CDK14: variants seen among roughly 807,000 people sequenced by gnomAD.
CDK14 encodes cyclin-dependent kinase 14.
CDK14 carries 34 observed loss-of-function variants against 60.7 expected under a neutral mutation model. The observed-to-expected ratio is 0.56, with a 90% CI of 0.43 to 0.75. CDK14 has a LOEUF of 0.75. CDK14 is among the 30% of genes least tolerant of loss of function. The pLI is 0.00. For synonymous variants in CDK14, 197 were observed against 203.7 expected (o/e 0.97, Z 0.28); for missense variants, 482 against 564.1 (o/e 0.85, Z 1.47).
At chr7:91,144,517 A>ACT (rs10634217) in intron 14 of CDK14, among the ~76,000 whole-genome samples, 134,194 of 152,054 alleles carry the variant, frequency 0.88, 59,257 homozygotes, top group East Asian at 0.96. Context: ...GCAGCTTTAG[A>ACT]CTGACCATTT....
chr7:90,671,208 C>G (rs545703962), intron 2 of CDK14, among the ~76,000 whole-genome samples: 1 of 152,164 alleles, frequency 6.6e-6, no homozygotes, highest in African/African-American at 2.4e-5. Flanking sequence ...ATACCTATTT[C>G]CAGCGTTCAG....
intron 11 of CDK14, among the ~76,000 whole-genome samples, chr7:91,047,513 A>G (rs975200491): frequency 3.3e-5 from 5 of 152,354 alleles, no homozygotes; most frequent in Admixed American, 2.0e-4. Flanking sequence ...GTGGTGTTCA[A>G]TAAATGTGTG....
chr7:90,717,043 T>C (rs1802273113), intron 2 of CDK14, among the ~76,000 whole-genome samples: 1 of 152,104 alleles, frequency 6.6e-6, no homozygotes, highest in Non-Finnish European at 1.5e-5. Flanking sequence ...CAATGCTAAC[T>C]ACATTCTGAA....
At chr7:90,976,362 T>C (rs940292642) in intron 9 of CDK14, among the ~76,000 whole-genome samples, 1 of 152,046 alleles carries the variant, frequency 6.6e-6, no homozygotes, top group Non-Finnish European at 1.5e-5. Context: ...CCCCGCTTTT[T>C]TTTCTTTTAA....
At chr7:90,792,332 C>T (rs1005916497) in intron 5 of CDK14, among the ~76,000 whole-genome samples, 1 of 152,062 alleles carries the variant, frequency 6.6e-6, no homozygotes, top group Non-Finnish European at 1.5e-5. Context: ...ATCTCCATTT[C>T]ATATATCCAC....
rs575826961 is a variant in CDK14, at chr7:90,705,362, GA to G, written c.124-21198del. On this transcript the variant is annotated intron_variant, in intron 2 of 14. Transcript: ENST00000380050. The stretch of plus-strand genomic sequence containing the variant: ...AAAAGGAAAAAAAAAGATAAAGATA[GA>G]AAAAAAGTAATTCTCTATCCCTTTC... 6.6e-5 allele frequency among the ~76,000 whole-genome samples: 10 copies of G among 151,948 alleles called. No homozygotes were observed. In the South Asian group the frequency reaches 2.1e-3, roughly 32 times the overall value.
chr7:90,896,221 A>G (rs1334971187), intron 6 of CDK14, among the ~76,000 whole-genome samples: 1 of 152,098 alleles, frequency 6.6e-6, no homozygotes, highest in African/African-American at 2.4e-5. Context: ...GAAATGTAGT[A>G]TATTTATTAT....
At chr7:90,964,603 CTGTT>C (rs1794701433) in intron 9 of CDK14, among the ~76,000 whole-genome samples, 1 of 152,146 alleles carries the variant, frequency 6.6e-6, no homozygotes, top group Admixed American at 6.5e-5. Flanking sequence ...CTACTTTTAA[CTGTT>C]TGTTTTTAAT....
rs569552774 is a variant in CDK14 at position 91,028,774 on chromosome 7, ATTTGTT to A, written c.1042-17101_1042-17096del. ...TTGTTTGTCCACTTTTAATGGGATT[ATTTGTT>A]TTTGTTTTTGTTTTTGTTTTTTGCT... is the stretch of plus-strand genomic sequence containing the variant. On this transcript the variant is annotated intron_variant, in intron 10 of 14. Transcript: ENST00000380050. 3.6e-3 allele frequency among the ~76,000 whole-genome samples: 545 copies of A among 151,716 alleles called. 2 individuals carry two copies. Among genetic ancestry groups the A allele is most frequent in the African/African-American group, 0.012 (501 of 41,378 alleles).
chr7:90,751,167 T>G (rs1803829059), intron 4 of CDK14, among the ~76,000 whole-genome samples: 1 of 151,478 alleles, frequency 6.6e-6, no homozygotes, highest in Admixed American at 6.6e-5. Context: ...ATATCCAGAT[T>G]CAAAAAATCT....
chr7:90,636,787 T>C (rs1800161602), intron 2 of CDK14, among the ~76,000 whole-genome samples: 1 of 152,230 alleles, frequency 6.6e-6, no homozygotes, highest in South Asian at 2.1e-4. Flanking sequence ...GTTGGTAAGC[T>C]ATTGATTATT....
chr7:91,087,357 CAGAAG>C (rs1333548707), intron 12 of CDK14, among the ~76,000 whole-genome samples: 1 of 151,948 alleles, frequency 6.6e-6, no homozygotes, highest in African/African-American at 2.4e-5. Flanking sequence ...AAGAAAAAAA[CAGAAG>C]AGAGGAAGGA....
chr7:90,782,608 C>T (rs1805388204), intron 4 of CDK14, among the ~76,000 whole-genome samples: 1 of 152,058 alleles, frequency 6.6e-6, no homozygotes, highest in Non-Finnish European at 1.5e-5. Context: ...CTATTGGCTC[C>T]TTAAATGGGG....
chr7:90,614,143 A>T (rs549241079), intron 2 of CDK14, among the ~76,000 whole-genome samples: 15 of 151,290 alleles, frequency 9.9e-5, no homozygotes, highest in Non-Finnish European at 1.6e-4. Flanking sequence ...AGTAGGTGGG[A>T]TTACAGGCAT....
chr7:91,138,218 T>C (rs553845773), intron 14 of CDK14, among the ~76,000 whole-genome samples: 2 of 152,374 alleles, frequency 1.3e-5, no homozygotes, highest in South Asian at 4.1e-4. Flanking sequence ...GCTGCAATTC[T>C]GTATGAAGGC....
intron 10 of CDK14, among the ~76,000 whole-genome samples, chr7:91,043,409 A>C (rs1797143978): frequency 6.6e-6 from 1 of 152,208 alleles, no homozygotes; most frequent in Admixed American, 6.5e-5. Context: ...CTTTGTTGCT[A>C]AAGTTTAGTA....
chr7:90,872,930 C>G (rs1791421635), intron 6 of CDK14, among the ~76,000 whole-genome samples: 1 of 152,028 alleles, frequency 6.6e-6, no homozygotes, highest in Non-Finnish European at 1.5e-5. Context: ...CTCAGTTTAT[C>G]TTAGAATTTC....
At chr7:90,771,544 T>G (rs899888741) in intron 4 of CDK14, among the ~76,000 whole-genome samples, 1 of 152,188 alleles carries the variant, frequency 6.6e-6, no homozygotes, top group Non-Finnish European at 1.5e-5. Flanking sequence ...CAAAAATGGG[T>G]TGCTGGCTGC....
intron 7 of CDK14, among the ~76,000 whole-genome samples, chr7:90,907,816 A>G (rs1792763259): frequency 6.6e-6 from 1 of 152,146 alleles, no homozygotes; most frequent in Non-Finnish European, 1.5e-5. Context: ...GCAGGTGTAT[A>G]ACAGACAGAA....
Sources: allele counts gnomAD v4.1 joint callset (sites outside exome capture counted in the v4.1 genomes callset), GRCh38; gene constraint gnomAD v4.1.1; transcripts MANE v1.5; gene names NCBI Gene and HGNC (gene_info 2026-07-23, HGNC 2026-07-21).